MGAT4C: variants seen among roughly 807,000 people sequenced by gnomAD.
The protein encoded by MGAT4C is MGAT4 family member C.
MGAT4C carries 19 observed loss-of-function variants against 40.1 expected under a neutral mutation model. That is an observed-to-expected ratio of 0.47 (90% CI 0.33 to 0.70). The LOEUF is 0.70. Among genes scored for constraint, MGAT4C ranks in the 30% least tolerant of loss-of-function variants. The probability of loss-of-function intolerance (pLI) is 0.02; values close to 1 mark genes in which losing one functional copy is unlikely to be tolerated. For synonymous variants in MGAT4C, 181 were observed against 187.1 expected, an observed-to-expected ratio of 0.97 and a Z score of 0.27; for missense variants, 491 against 563.2, an observed-to-expected ratio of 0.87 and a Z score of 1.30.
Position 86,394,491 on chromosome 12 carries a change from TTA to T in MGAT4C, c.-120+40664_-120+40665del, listed in dbSNP as rs202171752. ...ATATATACTTTTTTATATATATACT[TTA>T]TATATATATTTTTTAAATATTTATA... On this transcript the variant is annotated intron_variant, in intron 3 of 7. Coordinates refer to the MGAT4C transcript ENST00000548651. Among the ~76,000 whole-genome samples, 7 of 134,642 alleles carry T rather than the reference TTA, an allele frequency of 5.2e-5. No homozygotes were observed. In the South Asian group the frequency reaches 8.7e-4, roughly 17 times the overall value. 88.3% of individuals were successfully genotyped at this position (134,642 alleles called of 152,430 possible).
At chr12:86,777,971 A>C (rs985545683) in intron 1 of MGAT4C, among the ~76,000 whole-genome samples, 9 of 152,184 alleles carry the variant, frequency 5.9e-5, no homozygotes, top group Non-Finnish European at 1.3e-4. Flanking sequence ...AAAATCATTG[A>C]ATTAACATTT....
intron 1 of MGAT4C, among the ~76,000 whole-genome samples, chr12:86,789,594 A>G (rs1050210501): frequency 2.6e-5 from 4 of 152,068 alleles, no homozygotes; most frequent in East Asian, 1.9e-4. Context: ...AAAGATAAAT[A>G]CATGTTTTAT....
At chr12:86,398,685 C>T (rs1175168485) in intron 3 of MGAT4C, among the ~76,000 whole-genome samples, 1 of 151,776 alleles carries the variant, frequency 6.6e-6, no homozygotes, top group East Asian at 2.0e-4. Context: ...TTCTCCTGCC[C>T]GTCTTTTACT....
intron 2 of MGAT4C, among the ~76,000 whole-genome samples, chr12:86,531,138 A>T (rs990668563): frequency 1.3e-5 from 2 of 152,100 alleles, no homozygotes; most frequent in Admixed American, 1.3e-4. Context: ...GTACCATAAC[A>T]AATAGCTTAT....
At position 86,410,348 on chromosome 12, in the gene MGAT4C, A is replaced by T. The variant is rs138552719; in HGVS notation, c.-120+24809T>A. ...CTCCCAGAGCGGCCATTTATAGACC[A>T]CCCCCTAGGAATGCATTCCTTCCGC... On this transcript the variant is annotated intron_variant, in intron 3 of 7. Coordinates refer to the MGAT4C transcript ENST00000548651. Among the ~76,000 whole-genome samples, 877 of 151,936 alleles carry T rather than the reference A, an allele frequency of 5.8e-3. 7 individuals carry two copies. Among genetic ancestry groups the T allele is most frequent in the African/African-American group, 0.02 (842 of 41,436 alleles).
At position 85,977,775 on chromosome 12, in the gene MGAT4C, A is replaced by G. The variant is rs1592586955; in HGVS notation, c.*1514T>C. ...CATTCTGTCTTACCAGCAAAAGTCTAGCCTTCACACACACACACACACACA... is the reference window on the plus strand; with the variant it reads ...CATTCTGTCTTACCAGCAAAAGTCTGGCCTTCACACACACACACACACACA... On this transcript the variant is annotated 3_prime_UTR_variant, in exon 5 of 5. Coordinates refer to ENST00000611864, the MANE Select transcript of MGAT4C (RefSeq NM_001351288.2). The G allele has an allele frequency of 1.5e-5, 2 of 131,892 alleles. No homozygotes were observed. Among genetic ancestry groups the G allele is most frequent in the Middle Eastern group, 7.9e-3 (2 of 252 alleles). 8.2% of individuals were successfully genotyped at this position (131,892 alleles called of 1,614,324 possible). A position where few individuals can be genotyped will look rare whatever the true frequency, so the allele number is the denominator to read the frequency against.
intron 1 of MGAT4C, among the ~76,000 whole-genome samples, chr12:86,732,555 C>G (rs1435394183): frequency 6.6e-6 from 1 of 152,034 alleles, no homozygotes; most frequent in African/African-American, 2.4e-5. Flanking sequence ...GCGTGTGCAA[C>G]CTATATCCCT....
chr12:86,585,725 A>ATT (rs113824217), intron 2 of MGAT4C, among the ~76,000 whole-genome samples: 3 of 141,874 alleles, frequency 2.1e-5, no homozygotes, highest in Non-Finnish European at 3.1e-5. Context: ...TCCATGTTTT[A>ATT]TTTTTTTTAA....
chr12:86,267,079 AT>A lies in MGAT4C; in HGVS notation c.-57+66985del, dbSNP rs554209836. Among the ~76,000 whole-genome samples the A allele has an allele frequency of 2.8e-3, 412 of 148,538 alleles. 2 individuals are homozygous for A. In the Middle Eastern group the frequency reaches 0.031, roughly 11 times the overall value. ...ATCTAGTTTTGTTTTATCTTTTGTA[AT>A]TTTTTTTTGGTCTTTTTTCATTTAG... On this transcript the variant is annotated intron_variant, in intron 4 of 7. Transcript: ENST00000548651.
At position 86,198,576 on chromosome 12, in the gene MGAT4C, T is replaced by C. The variant is rs577875695; in HGVS notation, c.-57+57663A>G. ...ATCAGATCTTCTCATTTTACTGGGG[T>C]ATTTTTAAGTCAGTTTGAGTAGTTG... is the stretch of plus-strand genomic sequence containing the variant. On this transcript the variant is annotated intron_variant, in intron 1 of 4. Transcript: ENST00000611864. Among the ~76,000 whole-genome samples the C allele has an allele frequency of 2.0e-5, 3 of 152,322 alleles. No homozygotes were observed. In the East Asian group the frequency reaches 5.8e-4, roughly 29 times the overall value.
intron 3 of MGAT4C, among the ~76,000 whole-genome samples, chr12:86,340,651 C>T (rs142817302): frequency 3.4e-4 from 51 of 152,112 alleles, no homozygotes; most frequent in African/African-American, 1.2e-3. Flanking sequence ...ACAGAAGACA[C>T]AAATTTTAAG....
chr12:86,408,221 T>C (rs1378782436), intron 3 of MGAT4C, among the ~76,000 whole-genome samples: 1 of 151,976 alleles, frequency 6.6e-6, no homozygotes, highest in African/African-American at 2.4e-5. Flanking sequence ...TTTTGTAGTA[T>C]GCTTCATTTT....
At chr12:86,030,532 C>T (rs908701956) in intron 2 of MGAT4C, among the ~76,000 whole-genome samples, 2 of 151,650 alleles carry the variant, frequency 1.3e-5, no homozygotes, top group Non-Finnish European at 3.0e-5. Flanking sequence ...TAGTATCAAG[C>T]ACTTGTTGAG....
chr12:86,722,981 T>A (rs940458295), intron 2 of MGAT4C, among the ~76,000 whole-genome samples: 1 of 152,188 alleles, frequency 6.6e-6, no homozygotes, highest in Admixed American at 6.5e-5. Flanking sequence ...TCCTATTAAT[T>A]ATTTGTGTTT....
At chr12:85,995,014 A>T (rs1248966347) in intron 2 of MGAT4C, among the ~76,000 whole-genome samples, 6 of 152,266 alleles carry the variant, frequency 3.9e-5, no homozygotes, top group Admixed American at 6.5e-5. Flanking sequence ...TACCATCTTC[A>T]GTCACTAGAA....
chr12:86,512,982 G>C (rs150535737), intron 2 of MGAT4C, among the ~76,000 whole-genome samples: 1 of 152,184 alleles, frequency 6.6e-6, no homozygotes, highest in African/African-American at 2.4e-5. Context: ...TTAGCTGACT[G>C]GGAATGGTAA....
At chr12:86,619,635 C>G (rs990283843) in intron 2 of MGAT4C, among the ~76,000 whole-genome samples, 5 of 152,146 alleles carry the variant, frequency 3.3e-5, no homozygotes, top group African/African-American at 1.2e-4. Flanking sequence ...CACTCTGTCT[C>G]CTGTGCCCAT....
chr12:86,404,294 A>G (rs1180191405), intron 3 of MGAT4C, among the ~76,000 whole-genome samples: 1 of 152,238 alleles, frequency 6.6e-6, no homozygotes, highest in Non-Finnish European at 1.5e-5. Flanking sequence ...AGTTTGCAGT[A>G]TCAGGCTGAA....
intron 1 of MGAT4C, among the ~76,000 whole-genome samples, chr12:86,825,081 A>G (rs1329891917): frequency 6.6e-6 from 1 of 151,396 alleles, no homozygotes; most frequent in Non-Finnish European, 1.5e-5. Context: ...TTATACATTT[A>G]TCTGTAGATG....
Sources: allele counts gnomAD v4.1 joint callset (sites outside exome capture counted in the v4.1 genomes callset), GRCh38; gene constraint gnomAD v4.1.1; transcripts MANE v1.5; gene names NCBI Gene and HGNC (gene_info 2026-07-23, HGNC 2026-07-21).